NCF2: variants seen among roughly 807,000 people sequenced by gnomAD.
NCF2 encodes the protein neutrophil cytosolic factor 2.
Under a neutral mutation model 70.9 loss-of-function variants are expected in NCF2, and 45 were observed. The ratio of observed to expected loss-of-function variants is 0.63; its 90% CI spans 0.50 to 0.81. The LOEUF (loss-of-function observed/expected upper bound fraction) is 0.81, where lower values mean the gene tolerates loss of function less well. NCF2 is among the 40% of genes least tolerant of loss of function. The pLI, the probability that NCF2 is intolerant of heterozygous loss-of-function variation, is 0.00. For missense variants in NCF2, 522 were observed against 631.6 expected, an observed-to-expected ratio of 0.83 and a Z score of 1.86; for synonymous variants, 203 against 233.6, an observed-to-expected ratio of 0.87 and a Z score of 1.19.
intron 14 of NCF2, among the ~76,000 whole-genome samples, chr1:183,556,898 G>T (rs926907890): frequency 2.6e-5 from 4 of 152,088 alleles, no homozygotes; most frequent in African/African-American, 7.2e-5. Flanking sequence ...TACAGAAAAG[G>T]GACATGCCAT....
At chr1:183,564,541 G>A (rs1672220832) in intron 10 of NCF2, among the ~76,000 whole-genome samples, 3 of 152,080 alleles carry the variant, frequency 2.0e-5, no homozygotes. Context: ...TACTATAGGG[G>A]GTACATGATC....
rs1045236398 is a variant in NCF2 at position 183,584,257 on chromosome 1, A to G, written c.257+2638T>C. On this transcript the variant is annotated intron_variant, in intron 2 of 14. Coordinates refer to ENST00000367535, the MANE Select transcript of NCF2 (RefSeq NM_000433.4). ...CTTGAAAGTGTATTTCTGGAAACAC[A>G]TTTTGCCATTTAACAACCACTGCTG... is the stretch of plus-strand genomic sequence containing the variant. Among the ~76,000 whole-genome samples, 197 of 152,340 alleles carry G rather than the reference A, an allele frequency of 1.3e-3. 2 individuals carry two copies. The highest frequency in any genetic ancestry group is 3.8e-3 in the African/African-American group (157 of 41,576).
the NCF2 span, among the ~76,000 whole-genome samples, chr1:183,599,095 C>G: frequency 6.6e-6 from 1 of 152,206 alleles, no homozygotes; most frequent in Non-Finnish European, 1.5e-5. Context: ...TCAAAACAAA[C>G]TCTTGACCAG....
chr1:183,576,194 C>A (rs1672793278), intron 3 of NCF2, among the ~76,000 whole-genome samples: 1 of 152,092 alleles, frequency 6.6e-6, no homozygotes, highest in Non-Finnish European at 1.5e-5. Context: ...CTGGAAGGTC[C>A]CATGTGACAA....
upstream of NCF2, among the ~76,000 whole-genome samples, chr1:183,593,062 T>C (rs146750826): frequency 2.0e-5 from 3 of 152,274 alleles, no homozygotes; most frequent in Non-Finnish European, 4.4e-5. Flanking sequence ...CCTTCTGAAC[T>C]CCTGCATCTC....
chr1:183,590,945 C>T, upstream of NCF2: 1 of 162,208 alleles, frequency 6.2e-6, no homozygotes, highest in South Asian at 1.5e-4. Context: ...TGCTCTTTCC[C>T]AATTAATTAT....
At chr1:183,580,558 A>G (rs930113231) in intron 2 of NCF2, among the ~76,000 whole-genome samples, 5 of 152,024 alleles carry the variant, frequency 3.3e-5, no homozygotes, top group African/African-American at 9.7e-5. Flanking sequence ...CAACCTACCA[A>G]CGTGCCTTCC....
chr1:183,557,121 T>C (rs1289199575), intron 14 of NCF2, among the ~76,000 whole-genome samples: 1 of 152,188 alleles, frequency 6.6e-6, no homozygotes, highest in Non-Finnish European at 1.5e-5. Flanking sequence ...GTATCCATAT[T>C]TTACTAAGGA....
intron 5 of NCF2, among the ~76,000 whole-genome samples, 167 bp downstream of exon 5, chr1:183,573,018 T>C (rs1430209102): frequency 1.3e-5 from 2 of 152,182 alleles, no homozygotes; most frequent in Non-Finnish European, 2.9e-5. Flanking sequence ...AAACTAGACA[T>C]GGTTGCCTAT....
chr1:183,599,470 C>CTTTCTTTCTTTCTTTCTTTCTCT, the NCF2 span, among the ~76,000 whole-genome samples: 1 of 137,152 alleles, frequency 7.3e-6, no homozygotes, highest in African/African-American at 2.9e-5. Context: ...TTCTTTCTTT[C>CTTTCTTTCTTTCTTTCTTTCTCT]TTTCTTTCTT....
At chr1:183,564,061 A>C in intron 10 of NCF2, 31 bp from the exon 11 acceptor site, 1 of 1,601,254 alleles carries the variant, frequency 6.2e-7, no homozygotes, top group Non-Finnish European at 8.6e-7. Context: ...GTAAAACAAA[A>C]GAAGATGGTG....
intron 11 of NCF2, 79 bp downstream of exon 11, chr1:183,563,926 C>G: frequency 6.8e-7 from 1 of 1,468,274 alleles, no homozygotes; most frequent in African/African-American, 1.4e-5. Flanking sequence ...TCCTATAATC[C>G]AGACAGACAT....
At chr1:183,562,817 C>T (rs555196083) in intron 13 of NCF2, among the ~76,000 whole-genome samples, 2 of 139,778 alleles carry the variant, frequency 1.4e-5, no homozygotes, top group Non-Finnish European at 1.5e-5. Context: ...GAGTGAGACT[C>T]CATCTCAAAA....
intron 13 of NCF2, among the ~76,000 whole-genome samples, chr1:183,560,528 TTGGGGGGTGGTTTCAGGATAAAA>T (rs1258915865): frequency 6.6e-6 from 1 of 152,030 alleles, no homozygotes; most frequent in African/African-American, 2.4e-5. Context: ...GGGTGGTGGG[TTGGGGGGTGGTTTCAGGATAAAA>T]TTGTTCCACC....
Position 183,569,198 on chromosome 1 carries a change from C to G in NCF2, c.670-13G>C. 1 of 1,613,936 alleles carries G rather than the reference C, an allele frequency of 6.2e-7. No individual in the cohort carries two copies. The highest frequency in any genetic ancestry group is 1.1e-5 in the South Asian group (1 of 91,068). On this transcript the variant is annotated splice_polypyrimidine_tract_variant and intron_variant, in intron 6 of 14. Transcript: ENST00000367535. ...GAGGCTCAGCTGCCTATTGAACATT[C>G]AGGAGAAGTGAAAACGGAAAAGGCA...
intron 10 of NCF2, among the ~76,000 whole-genome samples, chr1:183,564,514 G>A (rs1672219354): frequency 6.6e-6 from 1 of 152,144 alleles, no homozygotes; most frequent in Non-Finnish European, 1.5e-5. Flanking sequence ...TGTAAGAGTA[G>A]CATGCATAAA....
chr1:183,600,894 C>G, the NCF2 span, among the ~76,000 whole-genome samples: 1 of 152,158 alleles, frequency 6.6e-6, no homozygotes, highest in Non-Finnish European at 1.5e-5. Flanking sequence ...TCCCACTGAC[C>G]GCATCAGAGC....
intron 5 of NCF2, among the ~76,000 whole-genome samples, chr1:183,572,288 G>A (rs375362872): frequency 2.0e-5 from 3 of 152,200 alleles, no homozygotes; most frequent in Non-Finnish European, 2.9e-5. Context: ...GGATTCAAGC[G>A]ATTCTCCTGC....
At chr1:183,563,101 G>A in intron 13 of NCF2, 94 bp downstream of exon 13, 1 of 1,108,918 alleles carries the variant, frequency 9.0e-7, no homozygotes, top group African/African-American at 1.5e-5. Context: ...ACCACATATA[G>A]TGCCTAGTAC....
Sources: gnomAD v4.1 joint callset for allele counts (sites outside exome capture counted in the v4.1 genomes callset) on GRCh38, gnomAD v4.1.1 for gene constraint, MANE v1.5 for transcripts, NCBI Gene and HGNC (gene_info 2026-07-23, HGNC 2026-07-21) for gene names.